TEF: variants seen among roughly 807,000 people sequenced by gnomAD.
TEF encodes the protein TEF transcription factor, PAR bZIP family member.
TEF carries 3 observed loss-of-function variants against 20.8 expected under a neutral mutation model. That is an observed-to-expected ratio of 0.14 (90% CI 0.07 to 0.37). TEF has a LOEUF of 0.37. TEF is among the 10% of genes least tolerant of loss of function. The pLI, the probability that TEF is intolerant of heterozygous loss-of-function variation, is 1.00. For synonymous variants in TEF, 180 were observed against 171.1 expected, an observed-to-expected ratio of 1.05 and a Z score of -0.41; for missense variants, 296 against 397.9, an observed-to-expected ratio of 0.74 and a Z score of 2.18.
At chr22:41,375,999 G>A (rs533516371) in intron 1 of TEF, among the ~76,000 whole-genome samples, 3 of 152,200 alleles carry the variant, frequency 2.0e-5, no homozygotes, top group Non-Finnish European at 4.4e-5. Flanking sequence ...GCTCTCACAC[G>A]TCCCAGGCCC....
rs112460788 is a variant in TEF at position 41,396,091 on chromosome 22, C to T, written c.*131C>T. The T allele has an allele frequency of 1.4e-3, 1,375 of 986,840 alleles. 11 individuals carry two copies. In the African/African-American group the frequency reaches 0.019, roughly 14 times the overall value. 61.1% of individuals were successfully genotyped at this position (986,840 alleles called of 1,614,324 possible). A position where few individuals can be genotyped will look rare whatever the true frequency, so the allele number is the denominator to read the frequency against. ...CATGGCGGCGCACCTGCTGCAGGAG[C>T]GGCCACGTCTCAGCTTCATTATACC... is the stretch of plus-strand genomic sequence containing the variant. On this transcript the variant is annotated 3_prime_UTR_variant, in exon 4 of 4. Coordinates refer to ENST00000266304, the MANE Select transcript of TEF (RefSeq NM_003216.4).
intron 1 of TEF, among the ~76,000 whole-genome samples, chr22:41,383,362 A>T (rs1336040323): frequency 6.6e-6 from 1 of 152,088 alleles, no homozygotes; most frequent in Non-Finnish European, 1.5e-5. Context: ...CTTTGTTCCA[A>T]ATCTGGGGCT....
At chr22:41,390,577 C>G (rs1156916495) in intron 2 of TEF, among the ~76,000 whole-genome samples, 1 of 149,948 alleles carries the variant, frequency 6.7e-6, no homozygotes, top group Non-Finnish European at 1.5e-5. Context: ...ATCTCGGCTC[C>G]CGCAACCTCC....
upstream of TEF, among the ~76,000 whole-genome samples, chr22:41,381,278 G>T (rs564120719): frequency 2.6e-5 from 4 of 152,170 alleles, no homozygotes; most frequent in African/African-American, 7.2e-5. Context: ...AGAGTCCCCA[G>T]AACAAAAAGA....
At chr22:41,371,251 T>C (rs1425132188) in intron 1 of TEF, among the ~76,000 whole-genome samples, 1 of 152,232 alleles carries the variant, frequency 6.6e-6, no homozygotes, top group Non-Finnish European at 1.5e-5. Flanking sequence ...CCTCCTCCCA[T>C]TTTCTTGCCA....
chr22:41,385,372 A>G (rs2037085294), intron 1 of TEF, among the ~76,000 whole-genome samples: 1 of 152,174 alleles, frequency 6.6e-6, no homozygotes. Flanking sequence ...TAAAAAAAAA[A>G]AAGTTATTTC....
intron 1 of TEF, 105 bp from the exon 2 acceptor site, chr22:41,387,246 C>T (rs2037108762): frequency 1.5e-5 from 18 of 1,239,558 alleles, no homozygotes; most frequent in South Asian, 9.7e-5. Flanking sequence ...GGGTTGGAAT[C>T]GGGGCTCTGA....
chr22:41,371,869 G>A (rs1213507166), intron 1 of TEF, among the ~76,000 whole-genome samples: 1 of 152,120 alleles, frequency 6.6e-6, no homozygotes, highest in African/African-American at 2.4e-5. Flanking sequence ...ATCTCAGTAG[G>A]ACTTGCTGGG....
chr22:41,395,642 T>C, intron 3 of TEF, 103 bp from the exon 4 acceptor site: 1 of 1,179,658 alleles, frequency 8.5e-7, no homozygotes, highest in Non-Finnish European at 1.2e-6. Context: ...GCTTTAGCTC[T>C]GGCCACACCA....
chr22:41,394,969 C>CA (rs2037209534), intron 3 of TEF, among the ~76,000 whole-genome samples: 3 of 152,156 alleles, frequency 2.0e-5, no homozygotes, highest in Admixed American at 2.0e-4. Context: ...AGATGGTACT[C>CA]ACTGTAGGCC....
intron 1 of TEF, chr22:41,369,777 T>G: frequency 2.7e-6 from 1 of 367,078 alleles, no homozygotes; most frequent in Non-Finnish European, 3.8e-6. Context: ...ACTCTGGGTG[T>G]GAATTGGAGA....
At chr22:41,381,929 A>G (rs2037030610), upstream of TEF, 2 of 1,224,590 alleles carry the variant, frequency 1.6e-6, no homozygotes, top group Non-Finnish European at 2.0e-6. Flanking sequence ...CGGGGGCGCC[A>G]TTGGGCGCCT....
intron 1 of TEF, chr22:41,369,888 G>A (rs2036861128): frequency 1.0e-6 from 1 of 985,136 alleles, no homozygotes; most frequent in Admixed American, 6.1e-5. Flanking sequence ...GTGGAAGGGG[G>A]CAGTTATCTC....
chr22:41,384,005 C>T (rs911871677), intron 1 of TEF, among the ~76,000 whole-genome samples: 1 of 152,186 alleles, frequency 6.6e-6, no homozygotes, highest in Non-Finnish European at 1.5e-5. Flanking sequence ...AAAGCAGTTG[C>T]AGGAATTCAG....
intron 2 of TEF, among the ~76,000 whole-genome samples, chr22:41,389,903 CTT>C (rs1005681715): frequency 2.1e-5 from 3 of 145,328 alleles, no homozygotes; most frequent in Admixed American, 6.9e-5. Context: ...ATGTGCATGT[CTT>C]TTTTTTTTTT....
chr22:41,381,657 G>A (rs947109119), upstream of TEF, among the ~76,000 whole-genome samples: 20 of 152,186 alleles, frequency 1.3e-4, no homozygotes, highest in African/African-American at 4.8e-4. Context: ...ACCGCGCCGA[G>A]GAAGGCCCAC....
chr22:41,388,285 A>G (rs1393866980), intron 2 of TEF, among the ~76,000 whole-genome samples: 3 of 151,948 alleles, frequency 2.0e-5, no homozygotes, highest in Admixed American at 2.0e-4. Flanking sequence ...GGCGTAAGCT[A>G]CCACGCACAG....
chr22:41,378,407 G>A (rs552168066), upstream of TEF, among the ~76,000 whole-genome samples: 4 of 138,910 alleles, frequency 2.9e-5, no homozygotes, highest in South Asian at 4.6e-4. Flanking sequence ...GTGCAGTGGC[G>A]TGATCTCGGC....
At chr22:41,395,291 C>T (rs958197687) in intron 3 of TEF, among the ~76,000 whole-genome samples, 5 of 152,156 alleles carry the variant, frequency 3.3e-5, no homozygotes, top group African/African-American at 1.2e-4. Flanking sequence ...CAGGTGTGAG[C>T]CACCATGCCT....
Sources: gnomAD v4.1 joint callset for allele counts (sites outside exome capture counted in the v4.1 genomes callset) on GRCh38, gnomAD v4.1.1 for gene constraint, MANE v1.5 for transcripts, NCBI Gene and HGNC (gene_info 2026-07-23, HGNC 2026-07-21) for gene names.